BUB3: variants seen among roughly 807,000 people sequenced by gnomAD.
BUB3 encodes mitotic checkpoint protein BUB3.
BUB3 carries 22 observed loss-of-function variants against 39.9 expected under a neutral mutation model. That is an observed-to-expected ratio of 0.55 (90% CI 0.39 to 0.79). The LOEUF (loss-of-function observed/expected upper bound fraction) is 0.79, where lower values mean the gene tolerates loss of function less well. Among genes scored for constraint, BUB3 ranks in the 30% least tolerant of loss-of-function variants. The pLI is 0.00. For synonymous variants in BUB3, 168 were observed against 155.1 expected (o/e 1.08, Z -0.62); for missense variants, 303 against 415.4 (o/e 0.73, Z 2.35).
chr10:123,163,200 CT>C (rs1844447883), intron 7 of BUB3: 1 of 214,600 alleles, frequency 4.7e-6, no homozygotes, highest in Non-Finnish European at 9.1e-6. Flanking sequence ...TGCCAAAAAT[CT>C]TTCCTCTCCA....
At chr10:123,154,885 G>C (rs746963083) in intron 1 of BUB3, 33 bp from the exon 2 acceptor site, 1 of 1,580,026 alleles carries the variant, frequency 6.3e-7, no homozygotes, top group South Asian at 1.1e-5. Context: ...CAGCCCGCGG[G>C]ACCCCTGGGG....
chr10:123,167,547 G>A lies in BUB3; in HGVS notation c.*3712G>A, dbSNP rs1844507059. On this transcript the variant is annotated 3_prime_UTR_variant, in exon 8 of 8. Transcript: ENST00000368865. ...TTGTATGCTCTGGCACATGACTGTT[G>A]GACCACTTTGATATTGCTGAATTAT... 6.6e-6 allele frequency: 1 copy of A among 151,966 alleles called. No homozygotes were observed. The highest frequency in any genetic ancestry group is 1.5e-5 in the Non-Finnish European group (1 of 67,998). 9.4% of individuals were successfully genotyped at this position (151,966 alleles called of 1,614,324 possible). A position where few individuals can be genotyped will look rare whatever the true frequency, so the allele number is the denominator to read the frequency against.
chr10:123,162,729 T>C lies in BUB3; in HGVS notation c.872T>C (p.Leu291Pro), dbSNP rs1426786426. 1.2e-6 allele frequency: 2 copies of C among 1,614,026 alleles called. No individual in the cohort carries two copies. The change falls in exon 7 of 8, where the codon CTT (leucine) becomes CCT (proline). Residue 291 changes from leucine (L) to proline (P), a missense_variant. This residue lies in a region of BUB3 where 182 missense variants were observed against 293.1 expected (regional missense o/e 0.62). Transcript: ENST00000368865. ...GCCTTCAGTAATGATGGGACTACGC[T>C]TGCAATAGCGTCATCATATATGTAT... ...SLAFSNDGTT[L>P]AIASSYMYEM...
Position 123,163,983 on chromosome 10 carries a change from AT to A in BUB3, c.*159del, listed in dbSNP as rs75406601. The A allele has an allele frequency of 6.7e-3, 7,447 of 1,113,854 alleles. No individual in the cohort carries two copies. Among genetic ancestry groups the A allele is most frequent in the South Asian group, 0.012 (457 of 36,710 alleles). 69.0% of individuals were successfully genotyped at this position (1,113,854 alleles called of 1,614,324 possible). On this transcript the variant is annotated 3_prime_UTR_variant, in exon 8 of 8. Coordinates refer to ENST00000368865, the MANE Select transcript of BUB3 (RefSeq NM_004725.4). ...AAAATAATGGAAAAGAGGTTTTTGA[AT>A]TTTTTTTTTTAAATAAACACCTTCT...
At chr10:123,158,302 G>T (rs1014332025) in intron 4 of BUB3, among the ~76,000 whole-genome samples, 1 of 152,118 alleles carries the variant, frequency 6.6e-6, no homozygotes, top group East Asian at 1.9e-4. Flanking sequence ...GGCAAAATGG[G>T]TTATCATTTC....
rs1844442751 is a variant in BUB3, at chr10:123,162,794, A to G, written c.937A>G (p.Ile313Val). 6.2e-7 allele frequency: 1 copy of G among 1,613,610 alleles called. No homozygotes were observed. Among genetic ancestry groups the G allele is most frequent in the Non-Finnish European group, 8.5e-7 (1 of 1,179,888 alleles). ...DTEHPEDGIF[I>V]RQVTDAETKP... ...AGAACATCCTGAAGATGGTATCTTCATTCGCCAAGTGACAGATGCAGAAAC... is the reference window on the plus strand; with the variant it reads ...AGAACATCCTGAAGATGGTATCTTCGTTCGCCAAGTGACAGATGCAGAAAC... The change falls in exon 7 of 8, where the codon ATT becomes GTT. Residue 313 changes from isoleucine to valine, a missense_variant. By Grantham distance (29) the Ile-to-Val change is conservative. Around this residue, in one of 2 missense-constraint regions of BUB3, gnomAD observed 182 missense variants for 293.1 expected, o/e 0.62. Transcript: ENST00000368865.
At chr10:123,163,746 T>C in intron 7 of BUB3, 74 bp from the exon 8 acceptor site, 1 of 1,359,532 alleles carries the variant, frequency 7.4e-7, no homozygotes, top group Non-Finnish European at 1.0e-6. Flanking sequence ...GCATTTAATC[T>C]GTCACTTTTG....
In BUB3 at chr10:123,155,113, G is replaced by T; in HGVS notation, c.195+1G>T. On this transcript the variant is annotated splice_donor_variant, in intron 2 of 7. Transcript: ENST00000368865. LOFTEE classifies it high-confidence loss of function. ...CGCCGTCCTGGACTGCGCCTTCTAC[G>T]TAGGTGCCCTCCCGCCCTGCTCCTG... The T allele has an allele frequency of 6.2e-7, 1 of 1,613,306 alleles. No individual in the cohort carries two copies.
At chr10:123,159,337 A>C (rs2133567755) in intron 4 of BUB3, among the ~76,000 whole-genome samples, 1 of 152,342 alleles carries the variant, frequency 6.6e-6, no homozygotes, top group Middle Eastern at 3.4e-3. Flanking sequence ...TTAAGTACTG[A>C]ATGTTGAAGA....
rs923630279 is a variant in BUB3 at position 123,164,665 on chromosome 10, T to A, written c.*830T>A. On this transcript the variant is annotated 3_prime_UTR_variant, in exon 8 of 8. Coordinates refer to ENST00000368865, the MANE Select transcript of BUB3 (RefSeq NM_004725.4). ...TGAATTTTTGGAAACATTAATGAGGTTTACATATTTCTCTGACATTTATAT... is the reference window on the plus strand; with the variant it reads ...TGAATTTTTGGAAACATTAATGAGGATTACATATTTCTCTGACATTTATAT... The A allele has an allele frequency of 1.0e-4, 101 of 1,005,886 alleles. No individual in the cohort carries two copies. Among genetic ancestry groups the A allele is most frequent in the Admixed American group, 4.5e-4 (8 of 17,852 alleles). 62.3% of individuals were successfully genotyped at this position (1,005,886 alleles called of 1,614,324 possible). A position where few individuals can be genotyped will look rare whatever the true frequency, so the allele number is the denominator to read the frequency against.
Position 123,163,887 on chromosome 10 carries a change from C to A in BUB3, c.*52C>A. The A allele has an allele frequency of 1.3e-6, 2 of 1,563,824 alleles. No individual in the cohort carries two copies. The highest frequency in any genetic ancestry group is 2.3e-5 in the South Asian group (2 of 87,568). ...GTTGATGATAATAAAACAATTCGTACTCCCCAATGGTGGATTTATTACTAT... is the reference window on the plus strand; with the variant it reads ...GTTGATGATAATAAAACAATTCGTAATCCCCAATGGTGGATTTATTACTAT... On this transcript the variant is annotated 3_prime_UTR_variant, in exon 8 of 8. Transcript: ENST00000368865.
chr10:123,156,278 T>C (rs1844346421), intron 3 of BUB3, among the ~76,000 whole-genome samples: 1 of 152,250 alleles, frequency 6.6e-6, no homozygotes, highest in East Asian at 1.9e-4. Context: ...TGAAATGACT[T>C]ACTCAAATTT....
Position 123,155,053 on chromosome 10 carries a change from G to C in BUB3, c.136G>C (p.Ala46Pro). The C allele has an allele frequency of 4.3e-6, 7 of 1,614,144 alleles. No individual in the cohort carries two copies. Among genetic ancestry groups the C allele is most frequent in the Non-Finnish European group, 5.1e-6 (6 of 1,180,024 alleles). ...DTSVRLYDVP[A>P]NSMRLKYQHT... is the part of the protein sequence containing the mutation. ...GTCCGTGCGTCTCTACGATGTGCCGGCCAACTCCATGCGGCTCAAGTACCA... is the reference window on the plus strand; with the variant it reads ...GTCCGTGCGTCTCTACGATGTGCCGCCCAACTCCATGCGGCTCAAGTACCA... The change falls in exon 2 of 8, where the codon GCC becomes CCC. Residue 46 changes from alanine (A) to proline (P), a missense_variant. This residue lies in a region of BUB3 where 121 missense variants were observed against 122.3 expected (regional missense o/e 0.99). Coordinates refer to ENST00000368865, the MANE Select transcript of BUB3 (RefSeq NM_004725.4).
rs947971708 is a variant in BUB3 at position 123,168,980 on chromosome 10, C to G, written c.*5145C>G. 2 of 152,236 alleles carry G rather than the reference C, an allele frequency of 1.3e-5. No homozygotes were observed. The highest frequency in any genetic ancestry group is 4.8e-5 in the African/African-American group (2 of 41,454). The allele number at this position is 152,236 out of a possible 1,614,324, so 9.4% of individuals were successfully genotyped here. A position where few individuals can be genotyped will look rare whatever the true frequency, so the allele number is the denominator to read the frequency against. On this transcript the variant is annotated 3_prime_UTR_variant, in exon 8 of 8. Transcript: ENST00000368865. ...CACCCCTGCCCTAGAGCATCTGACG[C>G]CTGGATACAAAAGAGCCTGTGGCTA...
In BUB3 at chr10:123,160,334, A is replaced by G. The variant is rs80137785; in HGVS notation, c.418-73A>G. 56 of 1,366,438 alleles carry G rather than the reference A, an allele frequency of 4.1e-5. No homozygotes were observed. In the African/African-American group the frequency reaches 6.3e-4, roughly 15 times the overall value. The allele number at this position is 1,366,438 out of a possible 1,614,324, so 84.6% of individuals were successfully genotyped here. A position where few individuals can be genotyped will look rare whatever the true frequency, so the allele number is the denominator to read the frequency against. ...TTTTTATGGTCTTATGATCAGATGG[A>G]CTTTATTTTGGGGCAAAATGCCATT... On this transcript the variant is annotated intron_variant, in intron 4 of 7. Coordinates refer to ENST00000368865, the MANE Select transcript of BUB3 (RefSeq NM_004725.4).
intron 3 of BUB3, among the ~76,000 whole-genome samples, chr10:123,156,753 G>GTTTTTTTTTTT (rs756642442): frequency 0.017 from 2,242 of 134,960 alleles, 129 homozygotes; most frequent in African/African-American, 0.059. Flanking sequence ...TTTCTTTCTT[G>GTTTTTTTTTTT]TTTTTTTTTT....
Position 123,164,730 on chromosome 10 carries a change from T to A in BUB3, c.*895T>A, listed in dbSNP as rs1348572327. The stretch of plus-strand genomic sequence containing the variant: ...TTTCAGTTGACCAGCCGCTGGTGAT[T>A]AAAGTTAAAAAGAAAAAAATTATAG... On this transcript the variant is annotated 3_prime_UTR_variant, in exon 8 of 8. Coordinates refer to ENST00000368865, the MANE Select transcript of BUB3 (RefSeq NM_004725.4). 1 of 1,083,240 alleles carries A rather than the reference T, an allele frequency of 9.2e-7. No homozygotes were observed. The highest frequency in any genetic ancestry group is 1.1e-6 in the Non-Finnish European group (1 of 892,902). 67.1% of individuals were successfully genotyped at this position (1,083,240 alleles called of 1,614,324 possible). A position where few individuals can be genotyped will look rare whatever the true frequency, so the allele number is the denominator to read the frequency against.
Position 123,169,538 on chromosome 10 carries a change from G to C in BUB3, c.*5703G>C, listed in dbSNP as rs1408842675. On this transcript the variant is annotated 3_prime_UTR_variant, in exon 8 of 8. Coordinates refer to ENST00000368865, the MANE Select transcript of BUB3 (RefSeq NM_004725.4). ...GTAGTAAGGGACTTAGTTAAGTTTG[G>C]TGACTGCTTGAAGTCTAAGATCACC... 2 of 152,218 alleles carry C rather than the reference G, an allele frequency of 1.3e-5. No individual in the cohort carries two copies. The highest frequency in any genetic ancestry group is 2.9e-5 in the Non-Finnish European group (2 of 68,042). 9.4% of individuals were successfully genotyped at this position (152,218 alleles called of 1,614,324 possible).
At position 123,163,818 on chromosome 10, in the gene BUB3, A is replaced by T. The variant is rs767568564; in HGVS notation, c.972-2A>T. ...TGTTCTTTTTTTCTTTTGAACTTGTAGGTCACCATGTACTTGACAAGATTT... is the reference window on the plus strand; with the variant it reads ...TGTTCTTTTTTTCTTTTGAACTTGTTGGTCACCATGTACTTGACAAGATTT... On this transcript the variant is annotated splice_acceptor_variant, in intron 7 of 7. Coordinates refer to ENST00000368865, the MANE Select transcript of BUB3 (RefSeq NM_004725.4). LOFTEE classifies it high-confidence loss of function. The T allele has an allele frequency of 6.2e-7, 1 of 1,606,906 alleles. No homozygotes were observed. The highest frequency in any genetic ancestry group is 1.1e-5 in the South Asian group (1 of 90,574).
Sources: allele counts gnomAD v4.1 joint callset (sites outside exome capture counted in the v4.1 genomes callset), GRCh38; gene constraint gnomAD v4.1.1; regional missense constraint gnomAD v4.1.1; transcripts MANE v1.5; gene names NCBI Gene and HGNC (gene_info 2026-07-23, HGNC 2026-07-21).